The following HOMER1 variants were observed in gnomAD, a reference collection of about 807,000 sequenced individuals.
The protein encoded by HOMER1 is homer scaffold protein 1, also known as homer protein homolog 1.
A neutral mutation model predicts 48.9 loss-of-function variants in HOMER1; 3 were observed. That is an observed-to-expected ratio of 0.06 (90% CI 0.03 to 0.16). The LOEUF (loss-of-function observed/expected upper bound fraction) is 0.16. Among genes scored for constraint, HOMER1 ranks in the 10% least tolerant of loss-of-function variants. HOMER1 has a pLI of 1.00. For synonymous variants in HOMER1, 134 were observed against 146.4 expected, an observed-to-expected ratio of 0.92 and a Z score of 0.61; for missense variants, 247 against 411.4, an observed-to-expected ratio of 0.60 and a Z score of 3.46.
At chr5:79,484,870 G>A (rs1752053654) in intron 1 of HOMER1, among the ~76,000 whole-genome samples, 2 of 152,048 alleles carry the variant, frequency 1.3e-5, no homozygotes, top group Non-Finnish European at 2.9e-5. Flanking sequence ...AAAATGTATG[G>A]GACCTTCTAC....
intron 1 of HOMER1, among the ~76,000 whole-genome samples, chr5:79,498,681 G>A (rs1297842906): frequency 6.6e-6 from 1 of 152,006 alleles, no homozygotes; most frequent in East Asian, 1.9e-4. Flanking sequence ...GAAAGCTCTG[G>A]GAAAAATAAT....
intron 1 of HOMER1, among the ~76,000 whole-genome samples, chr5:79,504,380 GAA>G (rs1266138030): frequency 8.6e-6 from 1 of 116,866 alleles, no homozygotes; most frequent in African/African-American, 3.2e-5. Flanking sequence ...GAGTAAGAAA[GAA>G]AACAGCACTG....
At chr5:79,437,574 C>G (rs1263122132) in intron 5 of HOMER1, among the ~76,000 whole-genome samples, 5 of 152,204 alleles carry the variant, frequency 3.3e-5, no homozygotes, top group Admixed American at 2.0e-4. Context: ...AATATATCTA[C>G]TGTTTTATGT....
chr5:79,421,874 C>G (rs1026933658), intron 5 of HOMER1, among the ~76,000 whole-genome samples: 2 of 152,104 alleles, frequency 1.3e-5, no homozygotes, highest in Non-Finnish European at 2.9e-5. Flanking sequence ...TCCCATAGCA[C>G]TGAATTACAG....
At chr5:79,489,855 G>A (rs936302903) in intron 1 of HOMER1, among the ~76,000 whole-genome samples, 2 of 152,084 alleles carry the variant, frequency 1.3e-5, no homozygotes, top group African/African-American at 2.4e-5. Context: ...TAGGTGAACC[G>A]AAATTTCACT....
rs1051354349 is a variant in HOMER1 at position 79,373,790 on chromosome 5, C to A, written c.*2219G>T. 4.6e-5 allele frequency: 7 copies of A among 151,866 alleles called. No individual in the cohort carries two copies. Among genetic ancestry groups the A allele is most frequent in the Non-Finnish European group, 1.0e-4 (7 of 67,854 alleles). 9.4% of individuals were successfully genotyped at this position (151,866 alleles called of 1,614,324 possible). A position where few individuals can be genotyped will look rare whatever the true frequency, so the allele number is the denominator to read the frequency against. On this transcript the variant is annotated 3_prime_UTR_variant, in exon 9 of 9. Coordinates refer to ENST00000334082, the MANE Select transcript of HOMER1 (RefSeq NM_004272.5). ...ATTAGGCTCTATTGGACAAGAAAAA[C>A]ACTCACAAAATTTCCAATTTTAAAT... is the stretch of plus-strand genomic sequence containing the variant.
At chr5:79,426,147 A>C (rs1750242641) in intron 5 of HOMER1, among the ~76,000 whole-genome samples, 1 of 152,094 alleles carries the variant, frequency 6.6e-6, no homozygotes. Flanking sequence ...GAGGATAGAA[A>C]GTGGAAAGTT....
At chr5:79,414,842 T>C (rs1404420173) in intron 5 of HOMER1, among the ~76,000 whole-genome samples, 4 of 152,182 alleles carry the variant, frequency 2.6e-5, no homozygotes, top group Admixed American at 1.3e-4. Flanking sequence ...TAGCCTGGCA[T>C]GTCTGGATCA....
rs556673379 is a variant in HOMER1 at position 79,387,079 on chromosome 5, C to A, written c.876+9744G>T. 1.8e-4 allele frequency among the ~76,000 whole-genome samples: 25 copies of A among 136,500 alleles called. No individual in the cohort carries two copies. The South Asian group carries it at 3.9e-3, about 21-fold the overall frequency. The allele number at this position is 136,500 out of a possible 152,430, so 89.5% of individuals were successfully genotyped here. ...TCCTCTTTCCTTTCTTTCTCTATCT[C>A]TCTCTCTCTCTCTCTCTCTCTTTCT... is the stretch of plus-strand genomic sequence containing the variant. On this transcript the variant is annotated intron_variant, in intron 8 of 8. Coordinates refer to ENST00000334082, the MANE Select transcript of HOMER1 (RefSeq NM_004272.5).
At chr5:79,409,084 G>GGAAAAAAAAA (rs1554057917) in intron 5 of HOMER1, among the ~76,000 whole-genome samples, 5 of 109,562 alleles carry the variant, frequency 4.6e-5, no homozygotes, top group South Asian at 6.2e-4. Flanking sequence ...TTTGTCTTGA[G>GGAAAAAAAAA]AAAAAAAAAA....
At chr5:79,428,568 GA>G (rs1179805810) in intron 5 of HOMER1, among the ~76,000 whole-genome samples, 1 of 151,970 alleles carries the variant, frequency 6.6e-6, no homozygotes, top group African/African-American at 2.4e-5. Flanking sequence ...AAATGATTAA[GA>G]CTAATAAATG....
At chr5:79,385,033 A>G (rs1446135529) in intron 8 of HOMER1, among the ~76,000 whole-genome samples, 1 of 152,174 alleles carries the variant, frequency 6.6e-6, no homozygotes, top group Non-Finnish European at 1.5e-5. Flanking sequence ...AACTAACATC[A>G]TAGTGAATGA....
chr5:79,493,178 A>T (rs1752335030), intron 1 of HOMER1, among the ~76,000 whole-genome samples: 1 of 152,082 alleles, frequency 6.6e-6, no homozygotes, highest in Non-Finnish European at 1.5e-5. Flanking sequence ...TCAGCCTCCC[A>T]AAGTGCTGGG....
chr5:79,389,378 A>C (rs112328305), intron 8 of HOMER1, among the ~76,000 whole-genome samples: 4 of 152,208 alleles, frequency 2.6e-5, no homozygotes, highest in South Asian at 2.1e-4. Flanking sequence ...ATCACTGTGG[A>C]AACTTCAGAA....
In HOMER1 at chr5:79,456,926, G is replaced by A. The variant is rs1255819086; in HGVS notation, c.98C>T (p.Thr33Ile). ...NWVPTSKHAVTVSYFYDSTRN... is the reference protein window; with the variant it reads ...NWVPTSKHAVIVSYFYDSTRN... The stretch of plus-strand genomic sequence containing the variant: ...TGTGCTGTCATAGAAATAAGACACA[G>A]TAACTGCATGCTTGCTGGTGGGTAC... The change falls in exon 2 of 9, where the codon ACT becomes ATT. Residue 33 changes from threonine to isoleucine, a missense_variant. This residue lies in a region of HOMER1 where 38 missense variants were observed against 114.9 expected (regional missense o/e 0.33). Coordinates refer to ENST00000334082, the MANE Select transcript of HOMER1 (RefSeq NM_004272.5). 1 of 1,613,754 alleles carries A rather than the reference G, an allele frequency of 6.2e-7. No homozygotes were observed. Among genetic ancestry groups the A allele is most frequent in the African/African-American group, 1.3e-5 (1 of 74,900 alleles).
intron 1 of HOMER1, among the ~76,000 whole-genome samples, chr5:79,509,833 T>C (rs969103890): frequency 2.0e-5 from 3 of 152,234 alleles, no homozygotes; most frequent in Non-Finnish European, 4.4e-5. Flanking sequence ...AATAATTATC[T>C]ACAATTAAGA....
intron 5 of HOMER1, among the ~76,000 whole-genome samples, chr5:79,409,576 C>G (rs373714497): frequency 6.6e-6 from 1 of 152,008 alleles, no homozygotes; most frequent in African/African-American, 2.4e-5. Context: ...CCAAAGGACA[C>G]AATCAACAGA....
At chr5:79,499,314 G>C (rs934038663) in intron 1 of HOMER1, among the ~76,000 whole-genome samples, 6 of 152,078 alleles carry the variant, frequency 3.9e-5, no homozygotes, top group Non-Finnish European at 8.8e-5. Context: ...CTGACTGATG[G>C]AATTTACATT....
rs187266501 is a variant in HOMER1 at position 79,456,088 on chromosome 5, G to A, written c.162+774C>T. ...GAAAATCACTTGAACCCAGGAGGCA[G>A]AGGTTGCAGTGAGCTGAGCTGTACT... On this transcript the variant is annotated intron_variant, in intron 2 of 8. Coordinates refer to ENST00000334082, the MANE Select transcript of HOMER1 (RefSeq NM_004272.5). 3.4e-3 allele frequency among the ~76,000 whole-genome samples: 516 copies of A among 149,660 alleles called. 2 individuals carry two copies. Among genetic ancestry groups the A allele is most frequent in the Non-Finnish European group, 6.5e-3 (437 of 67,742 alleles).
Sources: gnomAD v4.1 joint callset for allele counts (sites outside exome capture counted in the v4.1 genomes callset) on GRCh38, gnomAD v4.1.1 for gene constraint, gnomAD v4.1.1 regional missense constraint, MANE v1.5 for transcripts, NCBI Gene and HGNC (gene_info 2026-07-23, HGNC 2026-07-21) for gene names.